DHRS12: variants seen among roughly 807,000 people sequenced by gnomAD.
DHRS12 encodes dehydrogenase/reductase SDR family member 12.
DHRS12 carries 29 observed loss-of-function variants against 32.1 expected under a neutral mutation model. The observed-to-expected ratio is 0.90, with a 90% confidence interval of 0.67 to 1.23. The LOEUF is 1.23. Among genes scored for constraint, DHRS12 ranks in the 50% most tolerant of loss-of-function variants. The probability of loss-of-function intolerance (pLI) is 0.00; values close to 1 mark genes in which losing one functional copy is unlikely to be tolerated. For missense variants in DHRS12, 330 were observed against 337.2 expected (o/e 0.98, Z 0.17); for synonymous variants, 150 against 135.9 (o/e 1.10, Z -0.72).
downstream of DHRS12, chr13:51,767,672 T>C (rs1432622680): frequency 1.9e-5 from 3 of 153,934 alleles, no homozygotes; most frequent in East Asian, 1.9e-4. Flanking sequence ...CTTAAGCAAA[T>C]GTAAACTAGG....
intron 5 of DHRS12, 26 bp from the exon 6 acceptor site, chr13:51,774,060 C>T (rs1449833475): frequency 6.2e-7 from 1 of 1,607,192 alleles, no homozygotes; most frequent in East Asian, 2.2e-5. Flanking sequence ...CAGAGATTTA[C>T]AAACTAAAGC....
chr13:51,777,648 C>A (rs1954501508), intron 4 of DHRS12, among the ~76,000 whole-genome samples: 1 of 152,202 alleles, frequency 6.6e-6, no homozygotes, highest in East Asian at 1.9e-4. Flanking sequence ...GAGAAAAACA[C>A]TGAAGTGTAT....
At position 51,799,607 on chromosome 13, in the gene DHRS12, A is replaced by C. The variant is rs1266038408; in HGVS notation, c.53T>G (p.Leu18Arg). The change falls in exon 2 of 9, where the codon CTG becomes CGG. Residue 18 changes from leucine to arginine, a missense_variant. By Grantham distance (102) the Leu-to-Arg change is moderately radical (BLOSUM62 -2). Transcript: ENST00000444610. ...LSLMTWRSRF[L>R]EESFWSLEET... ...CTCCAGTGACCAAAAAGACTCTTCC[A>C]GGAATCTGGACCTCCAAGTCATGAG... 6.2e-7 allele frequency: 1 copy of C among 1,614,192 alleles called. No individual in the cohort carries two copies. Among genetic ancestry groups the C allele is most frequent in the South Asian group, 1.1e-5 (1 of 91,084 alleles).
At chr13:51,768,493 C>T (rs1953854530) in intron 8 of DHRS12, 197 bp from the exon 9 acceptor site, 1 of 1,420,510 alleles carries the variant, frequency 7.0e-7, no homozygotes, top group Middle Eastern at 2.6e-4. Context: ...AGTTTGGGAA[C>T]TGGGAGGCTG....
chr13:51,779,597 G>A (rs1252527574), intron 4 of DHRS12, among the ~76,000 whole-genome samples: 1 of 152,158 alleles, frequency 6.6e-6, no homozygotes. Context: ...GAGAGTGAAC[G>A]AAGCAGTTGT....
At chr13:51,783,313 G>A (rs60088776) in intron 4 of DHRS12, among the ~76,000 whole-genome samples, 1 of 151,998 alleles carries the variant, frequency 6.6e-6, no homozygotes, top group Non-Finnish European at 1.5e-5. Flanking sequence ...CTCAAGCTGA[G>A]GACACAGTCT....
intron 4 of DHRS12, among the ~76,000 whole-genome samples, chr13:51,781,315 T>C (rs1954693552): frequency 6.6e-6 from 1 of 152,116 alleles, no homozygotes; most frequent in East Asian, 1.9e-4. Context: ...GTCAGGCCTA[T>C]CCCCTTTGCC....
chr13:51,769,632 C>T (rs1200559710), intron 7 of DHRS12, among the ~76,000 whole-genome samples: 1 of 152,154 alleles, frequency 6.6e-6, no homozygotes, highest in African/African-American at 2.4e-5. Context: ...CTGTGGGGCT[C>T]ACAGTGAGGC....
chr13:51,793,234 C>T (rs1229053904), intron 2 of DHRS12, among the ~76,000 whole-genome samples: 2 of 152,170 alleles, frequency 1.3e-5, no homozygotes, highest in Non-Finnish European at 2.9e-5. Flanking sequence ...TCCAAACTTG[C>T]ATTCTTAGCA....
intron 7 of DHRS12, among the ~76,000 whole-genome samples, chr13:51,770,502 A>C (rs1278523394): frequency 6.6e-6 from 1 of 152,150 alleles, no homozygotes; most frequent in Non-Finnish European, 1.5e-5. Flanking sequence ...CCTAGAATTC[A>C]CCCTGGACAG....
chr13:51,767,781 CGGGGGGGGG>C (rs71085096), downstream of DHRS12: 45 of 4,698 alleles, frequency 9.6e-3, 9 homozygotes, highest in South Asian at 0.045. Flanking sequence ...TCTCCTGGGG[CGGGGGGGGG>C]GGGGGGGTGC....
the DHRS12 span, chr13:51,756,275 G>T: frequency 6.4e-7 from 1 of 1,563,624 alleles, no homozygotes; most frequent in Admixed American, 1.8e-5. Context: ...GTGAGATGCG[G>T]GGGCCTCAGG....
Position 51,782,799 on chromosome 13 carries a change from T to C in DHRS12, c.302-5678A>G, listed in dbSNP as rs1243108782. Among the ~76,000 whole-genome samples the C allele has an allele frequency of 2.6e-5, 4 of 152,128 alleles. No homozygotes were observed. Among genetic ancestry groups the C allele is most frequent in the Admixed American group, 6.5e-5 (1 of 15,272 alleles). ...CCTCAGCTCATTAAAAGGACAAAGGTGCTTATTTGGGATTGTGTTTCTAAA... is the reference window on the plus strand; with the variant it reads ...CCTCAGCTCATTAAAAGGACAAAGGCGCTTATTTGGGATTGTGTTTCTAAA... On this transcript the variant is annotated intron_variant, in intron 4 of 8. Transcript: ENST00000444610. The surrounding 1 kb of genome is among the most constrained non-coding windows in gnomAD (Gnocchi z 4.2).
Position 51,782,912 on chromosome 13 carries a change from G to A in DHRS12, c.302-5791C>T, listed in dbSNP as rs570756137. Among the ~76,000 whole-genome samples, 1 of 152,318 alleles carries A rather than the reference G, an allele frequency of 6.6e-6. No individual in the cohort carries two copies. The highest frequency in any genetic ancestry group is 6.5e-5 in the Admixed American group (1 of 15,308). ...TAATTAGGTAAGGTCCTGGCCCACA[G>A]GAGGACTTGGATTTGGGGCCGGTGC... On this transcript the variant is annotated intron_variant, in intron 4 of 8. Coordinates refer to ENST00000444610, the MANE Select transcript of DHRS12 (RefSeq NM_001377533.1). This position sits in a 1 kb window ranked among gnomAD's most constrained non-coding sequence, Gnocchi z 4.2.
chr13:51,777,164 C>T (rs1954468378), intron 4 of DHRS12, 43 bp from the exon 5 acceptor site: 1 of 1,611,990 alleles, frequency 6.2e-7, no homozygotes, highest in Middle Eastern at 1.7e-4. Flanking sequence ...TGCAGGAAGC[C>T]CCAACTCAAG....
chr13:51,781,983 A>G (rs966281639), intron 4 of DHRS12, among the ~76,000 whole-genome samples: 1 of 152,112 alleles, frequency 6.6e-6, no homozygotes, highest in Non-Finnish European at 1.5e-5. Flanking sequence ...GTCGCAGTGG[A>G]GCTGAAGAGC....
chr13:51,793,836 G>A (rs1955391244), intron 2 of DHRS12, among the ~76,000 whole-genome samples: 1 of 152,142 alleles, frequency 6.6e-6, no homozygotes, highest in South Asian at 2.1e-4. Context: ...CAAAATCCAG[G>A]TTAAAACAGC....
intron 4 of DHRS12, among the ~76,000 whole-genome samples, chr13:51,779,145 G>A (rs901936129): frequency 1.3e-5 from 2 of 152,116 alleles, no homozygotes; most frequent in African/African-American, 4.8e-5. Context: ...TTTCCTCAGT[G>A]AACATGGCGC....
At chr13:51,777,412 C>A in intron 4 of DHRS12, 1 of 420,894 alleles carries the variant, frequency 2.4e-6, no homozygotes. Context: ...GTCCACTTTG[C>A]AGAAGAAAAA....
Sources: gnomAD v4.1 joint callset for allele counts (sites outside exome capture counted in the v4.1 genomes callset) on GRCh38, gnomAD v4.1.1 for gene constraint, Gnocchi (gnomAD v3.1) non-coding constraint, MANE v1.5 for transcripts, NCBI Gene and HGNC (gene_info 2026-07-23, HGNC 2026-07-21) for gene names.